GKAP1: variants seen among roughly 807,000 people sequenced by gnomAD.
GKAP1 encodes the protein G kinase anchoring protein 1, also known as G kinase-anchoring protein 1.
GKAP1 carries 31 observed loss-of-function variants against 56.7 expected under a neutral mutation model. The observed-to-expected ratio is 0.55, with a 90% CI of 0.41 to 0.74. The LOEUF is 0.74. Among genes scored for constraint, GKAP1 ranks in the 30% least tolerant of loss-of-function variants. The pLI, the probability that GKAP1 is intolerant of heterozygous loss-of-function variation, is 0.00. For synonymous variants in GKAP1, 151 were observed against 138.6 expected (o/e 1.09, Z -0.63); for missense variants, 364 against 402.3 (o/e 0.90, Z 0.82).
At chr9:83,773,897 A>C (rs1285686469) in intron 7 of GKAP1, among the ~76,000 whole-genome samples, 2 of 152,202 alleles carry the variant, frequency 1.3e-5, no homozygotes, top group Non-Finnish European at 2.9e-5. Flanking sequence ...GCTATAAAAA[A>C]TTGTCCAATT....
intron 5 of GKAP1, 92 bp from the exon 6 acceptor site, chr9:83,784,930 T>A: frequency 9.1e-7 from 1 of 1,099,382 alleles, no homozygotes; most frequent in Non-Finnish European, 1.2e-6. Flanking sequence ...GTTTATTTTT[T>A]AAAGATAAAA....
chr9:83,779,636 CACACAT>C (rs1484894015), intron 7 of GKAP1, among the ~76,000 whole-genome samples: 84 of 147,378 alleles, frequency 5.7e-4, no homozygotes, highest in African/African-American at 1.9e-3. Context: ...CACACACACA[CACACAT>C]TCTAAAGTGA....
At chr9:83,742,101 A>G (rs1355450108) in intron 11 of GKAP1, 72 bp from the exon 12 acceptor site, 2 of 881,816 alleles carry the variant, frequency 2.3e-6, no homozygotes, top group Non-Finnish European at 3.6e-6. Flanking sequence ...TAACATATTC[A>G]CAATGATAGG....
At chr9:83,758,358 T>C (rs1490308898) in intron 8 of GKAP1, among the ~76,000 whole-genome samples, 2 of 151,988 alleles carry the variant, frequency 1.3e-5, no homozygotes, top group East Asian at 3.9e-4. Flanking sequence ...ACAAAAGGGG[T>C]TAGAAAACTA....
intron 3 of GKAP1, among the ~76,000 whole-genome samples, chr9:83,800,292 T>TAAA (rs869060430): frequency 7.1e-6 from 1 of 140,876 alleles, no homozygotes; most frequent in African/African-American, 2.6e-5. Flanking sequence ...AGGAGCAGTT[T>TAAA]AAAAAAAAAA....
intron 3 of GKAP1, among the ~76,000 whole-genome samples, chr9:83,800,926 A>C (rs962208534): frequency 6.6e-6 from 1 of 152,212 alleles, no homozygotes; most frequent in African/African-American, 2.4e-5. Context: ...GGGCTGCTGA[A>C]TTGTGAATCG....
At chr9:83,815,911 G>A (rs1284124603) in intron 2 of GKAP1, among the ~76,000 whole-genome samples, 1 of 152,000 alleles carries the variant, frequency 6.6e-6, no homozygotes, top group African/African-American at 2.4e-5. Flanking sequence ...TCACAGGCCA[G>A]GTGTGGTGGC....
At chr9:83,814,312 C>T (rs1205477267) in intron 2 of GKAP1, among the ~76,000 whole-genome samples, 4 of 152,150 alleles carry the variant, frequency 2.6e-5, no homozygotes, top group African/African-American at 9.7e-5. Context: ...AATTAGTTTA[C>T]TTGTTCATAT....
At chr9:83,770,765 G>A (rs1043792936) in intron 7 of GKAP1, among the ~76,000 whole-genome samples, 3 of 152,082 alleles carry the variant, frequency 2.0e-5, no homozygotes, top group African/African-American at 7.2e-5. Flanking sequence ...TCACCATGTT[G>A]GCCAGGCTCG....
intron 2 of GKAP1, among the ~76,000 whole-genome samples, chr9:83,813,858 G>C (rs868666485): frequency 3.7e-4 from 56 of 152,154 alleles, no homozygotes; most frequent in African/African-American, 1.2e-3. Context: ...CTGGTACTTT[G>C]GAAGGGCTGA....
At chr9:83,781,287 C>T (rs1437490972) in intron 6 of GKAP1, among the ~76,000 whole-genome samples, 1 of 152,198 alleles carries the variant, frequency 6.6e-6, no homozygotes, top group East Asian at 1.9e-4. Flanking sequence ...TGCTTGAACC[C>T]AGGAGGCGGA....
chr9:83,775,898 A>G (rs543408259), intron 7 of GKAP1, among the ~76,000 whole-genome samples: 107 of 149,450 alleles, frequency 7.2e-4, no homozygotes, highest in Middle Eastern at 3.4e-3. Flanking sequence ...AAAAAAAAAA[A>G]AGAGAGAGAA....
intron 5 of GKAP1, among the ~76,000 whole-genome samples, chr9:83,787,810 A>AT (rs1401988251): frequency 3.9e-5 from 6 of 152,320 alleles, no homozygotes; most frequent in Non-Finnish European, 8.8e-5. Flanking sequence ...ACACAACCTA[A>AT]TATCAAAGCT....
At chr9:83,743,588 CG>C (rs1428004408) in intron 10 of GKAP1, among the ~76,000 whole-genome samples, 2 of 152,100 alleles carry the variant, frequency 1.3e-5, no homozygotes, top group Non-Finnish European at 2.9e-5. Flanking sequence ...GAGTGAGATT[CG>C]TCTCAAAATA....
At chr9:83,773,772 T>C (rs1343777762) in intron 7 of GKAP1, among the ~76,000 whole-genome samples, 2 of 152,218 alleles carry the variant, frequency 1.3e-5, no homozygotes, top group African/African-American at 4.8e-5. Context: ...TTCATCCATA[T>C]ACTCTACATT....
Position 83,769,387 on chromosome 9 carries a change from C to T in GKAP1, c.586-417G>A, listed in dbSNP as rs114342810. Among the ~76,000 whole-genome samples the T allele has an allele frequency of 9.8e-3, 1,494 of 152,290 alleles. 25 individuals are homozygous for T. Among genetic ancestry groups the T allele is most frequent in the African/African-American group, 0.034 (1,413 of 41,570 alleles). ...ACTGTACCCATTAGCCGTCACTCCCCATTTCCTCCTAATACCTGCCACCCG... is the reference window on the plus strand; with the variant it reads ...ACTGTACCCATTAGCCGTCACTCCCTATTTCCTCCTAATACCTGCCACCCG... On this transcript the variant is annotated intron_variant, in intron 7 of 12. Coordinates refer to ENST00000376371, the MANE Select transcript of GKAP1 (RefSeq NM_025211.4).
intron 6 of GKAP1, among the ~76,000 whole-genome samples, chr9:83,782,542 G>A (rs1170187195): frequency 3.3e-5 from 5 of 151,286 alleles, no homozygotes; most frequent in Admixed American, 2.6e-4. Context: ...GTATTTAGTA[G>A]AGATGGGGTT....
At chr9:83,795,925 G>A (rs1944238969) in intron 4 of GKAP1, among the ~76,000 whole-genome samples, 1 of 151,954 alleles carries the variant, frequency 6.6e-6, no homozygotes, top group Non-Finnish European at 1.5e-5. Flanking sequence ...TTAACATTTT[G>A]GTTCTGGTGA....
At chr9:83,794,325 GATTA>G (rs1944209370) in intron 4 of GKAP1, among the ~76,000 whole-genome samples, 2 of 152,094 alleles carry the variant, frequency 1.3e-5, no homozygotes, top group African/African-American at 4.8e-5. Context: ...GCATAAAAGT[GATTA>G]ATTTTGTTGC....
Sources: gnomAD v4.1 joint callset for allele counts (sites outside exome capture counted in the v4.1 genomes callset) on GRCh38, gnomAD v4.1.1 for gene constraint, MANE v1.5 for transcripts, NCBI Gene and HGNC (gene_info 2026-07-23, HGNC 2026-07-21) for gene names.